Variants in TRAK1 observed in about 807,000 individuals in gnomAD.
TRAK1 encodes trafficking kinesin-binding protein 1.
In TRAK1, 33 loss-of-function variants were observed where a neutral mutation model predicts 92.1. The observed-to-expected ratio is 0.36, with a 90% CI of 0.27 to 0.48. The LOEUF is 0.48. Ranked by LOEUF, TRAK1 falls within the 20% of genes least tolerant of loss-of-function variation. The pLI, the probability that TRAK1 is intolerant of heterozygous loss-of-function variation, is 0.99. For synonymous variants in TRAK1, 521 were observed against 517.3 expected, an observed-to-expected ratio of 1.01 and a Z score of -0.10; for missense variants, 1,123 against 1,257.9, an observed-to-expected ratio of 0.89 and a Z score of 1.62.
chr3:42,149,581 T>C, intron 2 of TRAK1: 2 of 1,536,088 alleles, frequency 1.3e-6, no homozygotes, highest in South Asian at 1.2e-5. Flanking sequence ...AGACTGGTAT[T>C]ATGAAGAATG....
intron 2 of TRAK1, among the ~76,000 whole-genome samples, chr3:42,174,054 A>T (rs974670839): frequency 6.6e-6 from 1 of 152,260 alleles, no homozygotes; most frequent in East Asian, 1.9e-4. Context: ...ATAGAGGGTT[A>T]TGAATGGTGC....
intron 1 of TRAK1, among the ~76,000 whole-genome samples, chr3:42,095,744 CATCA>C (rs1256410834): frequency 1.3e-5 from 2 of 152,154 alleles, no homozygotes; most frequent in East Asian, 3.8e-4. Flanking sequence ...TCATCATCAT[CATCA>C]GTCATTTAAT....
At chr3:42,153,591 C>T (rs185948297) in intron 2 of TRAK1, among the ~76,000 whole-genome samples, 23 of 152,120 alleles carry the variant, frequency 1.5e-4, no homozygotes, top group African/African-American at 5.1e-4. Context: ...TGAAGAAACT[C>T]GGGTAGATTG....
chr3:42,078,752 C>CAA (rs748321736), intron 1 of TRAK1, among the ~76,000 whole-genome samples: 503 of 49,440 alleles, frequency 0.01, 9 homozygotes, highest in African/African-American at 0.03. Flanking sequence ...GATTCCATCT[C>CAA]AAAAAAAAAA....
intron 3 of TRAK1, 110 bp downstream of exon 3, chr3:42,177,000 GTC>G: frequency 9.6e-7 from 1 of 1,037,862 alleles, no homozygotes; most frequent in Non-Finnish European, 1.5e-6. Context: ...TTGGAAATTG[GTC>G]TCTTTCGAGG....
chr3:42,207,289 G>C (rs887584069), intron 13 of TRAK1, among the ~76,000 whole-genome samples: 1 of 152,226 alleles, frequency 6.6e-6, no homozygotes, highest in South Asian at 2.1e-4. Flanking sequence ...CCATTAGGTA[G>C]TGTGAATGGG....
intron 2 of TRAK1, among the ~76,000 whole-genome samples, chr3:42,157,021 C>T (rs1055967118): frequency 2.6e-5 from 4 of 151,712 alleles, no homozygotes; most frequent in Middle Eastern, 3.2e-3. Flanking sequence ...GGCGTGGTGG[C>T]GGGCGCCTGT....
At chr3:42,074,254 A>C (rs1433802781) in intron 1 of TRAK1, among the ~76,000 whole-genome samples, 1 of 152,228 alleles carries the variant, frequency 6.6e-6, no homozygotes, top group East Asian at 1.9e-4. Context: ...TGTAAGCCTT[A>C]AACAGGGTCA....
At chr3:42,086,870 G>A (rs1032815109), upstream of TRAK1, among the ~76,000 whole-genome samples, 1 of 152,154 alleles carries the variant, frequency 6.6e-6, no homozygotes, top group Non-Finnish European at 1.5e-5. Context: ...GTTTCAGTAA[G>A]CAAATGAAGC....
At chr3:42,152,329 G>C (rs887309574) in intron 2 of TRAK1, among the ~76,000 whole-genome samples, 1 of 152,134 alleles carries the variant, frequency 6.6e-6, no homozygotes, top group Non-Finnish European at 1.5e-5. Flanking sequence ...AATAGCCAGC[G>C]ATCAATGCAA....
chr3:42,225,664 CGG>C lies in TRAK1; in HGVS notation c.*1928_*1929del, dbSNP rs1303849333. 6.6e-6 allele frequency: 1 copy of C among 152,100 alleles called. No homozygotes were observed. The highest frequency in any genetic ancestry group is 1.5e-5 in the Non-Finnish European group (1 of 68,024). The allele number at this position is 152,100 out of a possible 1,614,324, so 9.4% of individuals were successfully genotyped here. A position where few individuals can be genotyped will look rare whatever the true frequency, so the allele number is the denominator to read the frequency against. On this transcript the variant is annotated 3_prime_UTR_variant, in exon 16 of 16. Transcript: ENST00000327628. ...ATACTTAGTATAGTAAATAAATAAA[CGG>C]TCAACATTGTGCAACCACTACCAAA...
chr3:42,094,137 G>A (rs1436099260), intron 1 of TRAK1, among the ~76,000 whole-genome samples: 1 of 152,192 alleles, frequency 6.6e-6, no homozygotes, highest in Non-Finnish European at 1.5e-5. Context: ...ATGGGCCTCG[G>A]CACCTTCCTG....
intron 1 of TRAK1, among the ~76,000 whole-genome samples, chr3:42,061,940 C>T (rs1019543183): frequency 6.6e-6 from 1 of 152,210 alleles, no homozygotes. Context: ...GGAAACCACG[C>T]CCTTCTAGGC....
chr3:42,181,794 C>T (rs759581114), intron 3 of TRAK1, among the ~76,000 whole-genome samples: 13 of 152,082 alleles, frequency 8.5e-5, no homozygotes, highest in Non-Finnish European at 1.6e-4. Context: ...TAACCAAATC[C>T]ACCTGAAACC....
Position 42,125,530 on chromosome 3 carries a change from G to A in TRAK1, c.202G>A (p.Asp68Asn), listed in dbSNP as rs774204947. Reference protein sequence around the residue: ...ADTIYGYDHDDWLHTPLISPD... With the variant: ...ADTIYGYDHDNWLHTPLISPD... Reference sequence around the variant, plus strand: ...CACCATCTACGGTTATGACCACGACGACTGGCTCCATACACCTCTCATTTC... The same window carrying A: ...CACCATCTACGGTTATGACCACGACAACTGGCTCCATACACCTCTCATTTC... The change falls in exon 2 of 16, where the codon GAC becomes AAC. Residue 68 changes from aspartate to asparagine, a missense_variant. Physicochemically the swap from Asp to Asn is conservative, Grantham distance 23 (BLOSUM62 1). This residue lies in a region of TRAK1 where 686 missense variants were observed against 747.6 expected (regional missense o/e 0.92). Transcript: ENST00000327628. 1.1e-5 allele frequency: 17 copies of A among 1,614,186 alleles called. No individual in the cohort carries two copies. The highest frequency in any genetic ancestry group is 1.6e-4 in the Middle Eastern group (1 of 6,062).
rs1352768324 is a variant in TRAK1 at position 42,043,349 on chromosome 3, C to T, written c.-519+29232C>T. Among the ~76,000 whole-genome samples the T allele has an allele frequency of 2.6e-5, 4 of 152,042 alleles. 1 individual carries two copies. In the South Asian group the frequency reaches 6.2e-4, roughly 24 times the overall value. ...TTTCCTATCCCCTCCCCGACTCACA[C>T]TCCCTCTTGCTGCTTCCCTCACCCT... On this transcript the variant is annotated intron_variant, in intron 1 of 16. Coordinates refer to the TRAK1 transcript ENST00000487159.
chr3:42,210,004 G>A lies in TRAK1; in HGVS notation c.1963+19G>A, dbSNP rs775860895. On this transcript the variant is annotated intron_variant, in intron 14 of 15. Coordinates refer to ENST00000327628, the MANE Select transcript of TRAK1 (RefSeq NM_001042646.3). ...ACCTCAGGTGAGAGGTCCCAAGCAC[G>A]TGTGACTGTCTCAGGCAGCAGAAGT... 13 of 1,614,052 alleles carry A rather than the reference G, an allele frequency of 8.1e-6. No homozygotes were observed. The highest frequency in any genetic ancestry group is 1.7e-5 in the Admixed American group (1 of 60,008).
chr3:42,125,708 G>A (rs566320546), intron 2 of TRAK1, 94 bp downstream of exon 2: 3 of 1,393,436 alleles, frequency 2.2e-6, no homozygotes, highest in African/African-American at 1.4e-5. Flanking sequence ...GCTACCCTGT[G>A]ATGTGGCTTG....
chr3:42,041,430 T>TA (rs368925788), intron 1 of TRAK1, among the ~76,000 whole-genome samples: 1 of 152,214 alleles, frequency 6.6e-6, no homozygotes, highest in African/African-American at 2.4e-5. Context: ...TGCTAGTGTA[T>TA]AAAAATACGA....
Sources: gnomAD v4.1 joint callset for allele counts (sites outside exome capture counted in the v4.1 genomes callset) on GRCh38, gnomAD v4.1.1 for gene constraint, gnomAD v4.1.1 regional missense constraint, MANE v1.5 for transcripts, NCBI Gene and HGNC (gene_info 2026-07-23, HGNC 2026-07-21) for gene names.